The following ACOXL variants were observed in gnomAD, a reference collection of about 807,000 sequenced individuals.
ACOXL encodes acyl-coenzyme A oxidase-like protein.
ACOXL carries 70 observed loss-of-function variants against 71.9 expected under a neutral mutation model. The observed-to-expected ratio is 0.97, with a 90% CI of 0.80 to 1.19. The LOEUF (loss-of-function observed/expected upper bound fraction) is 1.19. ACOXL is among the 50% of genes most tolerant of loss of function. The probability of loss-of-function intolerance (pLI) is 0.00; values close to 1 mark genes in which losing one functional copy is unlikely to be tolerated. For missense variants in ACOXL, 703 were observed against 736.3 expected (o/e 0.95, Z 0.52); for synonymous variants, 253 against 281.6 (o/e 0.90, Z 1.02).
At chr2:111,085,098 A>G (rs147688122) in intron 16 of ACOXL, among the ~76,000 whole-genome samples, 4 of 152,320 alleles carry the variant, frequency 2.6e-5, no homozygotes, top group East Asian at 3.9e-4. Flanking sequence ...TAAGAGACCT[A>G]TGAAGAGACT....
At chr2:110,846,552 G>T (rs1349660759) in intron 10 of ACOXL, among the ~76,000 whole-genome samples, 4 of 151,864 alleles carry the variant, frequency 2.6e-5, no homozygotes, top group Admixed American at 2.6e-4. Flanking sequence ...ATGCAGTGGT[G>T]CTTCAGCTGT....
At chr2:110,835,865 A>C (rs1328111317) in intron 9 of ACOXL, among the ~76,000 whole-genome samples, 1 of 152,140 alleles carries the variant, frequency 6.6e-6, no homozygotes, top group East Asian at 1.9e-4. Flanking sequence ...ATTTCTCACA[A>C]GTTCCCAGGG....
intron 12 of ACOXL, among the ~76,000 whole-genome samples, chr2:110,978,343 A>G (rs1277769757): frequency 6.6e-6 from 1 of 152,222 alleles, no homozygotes; most frequent in East Asian, 1.9e-4. Context: ...ACAAGGGAGG[A>G]GCCCTCATGG....
chr2:110,959,396 G>A (rs2061616458), intron 12 of ACOXL, among the ~76,000 whole-genome samples: 1 of 152,186 alleles, frequency 6.6e-6, no homozygotes, highest in Admixed American at 6.5e-5. Context: ...GAAGCCGTCT[G>A]CCTTTGTTTT....
chr2:110,838,921 G>A (rs1370678758), intron 9 of ACOXL, among the ~76,000 whole-genome samples: 4 of 152,194 alleles, frequency 2.6e-5, no homozygotes, highest in Non-Finnish European at 4.4e-5. Flanking sequence ...CTGCTGTGTC[G>A]TTTGGTTTGA....
chr2:110,827,403 C>T (rs988862268), intron 9 of ACOXL, among the ~76,000 whole-genome samples: 3 of 152,074 alleles, frequency 2.0e-5, no homozygotes, highest in South Asian at 2.1e-4. Flanking sequence ...TGGCATGTGG[C>T]GGGCCGTGGA....
intron 1 of ACOXL, among the ~76,000 whole-genome samples, chr2:110,745,040 C>T (rs1678027841): frequency 6.6e-6 from 1 of 152,204 alleles, no homozygotes; most frequent in South Asian, 2.1e-4. Context: ...CTTTACCGTT[C>T]AGGTTAATGC....
chr2:110,858,052 C>T (rs1257229742), intron 10 of ACOXL, among the ~76,000 whole-genome samples: 1 of 152,098 alleles, frequency 6.6e-6, no homozygotes, highest in Non-Finnish European at 1.5e-5. Context: ...TAAAGTGCAT[C>T]TCAGATATAT....
intron 12 of ACOXL, among the ~76,000 whole-genome samples, chr2:110,973,929 G>C (rs951297905): frequency 1.5e-4 from 23 of 152,286 alleles, no homozygotes; most frequent in African/African-American, 5.5e-4. Context: ...TGAATACATA[G>C]CTTAGTGCTG....
intron 16 of ACOXL, among the ~76,000 whole-genome samples, chr2:111,053,842 T>G (rs1008709700): frequency 3.3e-5 from 5 of 152,188 alleles, no homozygotes; most frequent in Non-Finnish European, 5.9e-5. Context: ...AGAGCCTCCC[T>G]GCCTCCCTCG....
intron 10 of ACOXL, among the ~76,000 whole-genome samples, chr2:110,865,615 A>T (rs894416638): frequency 1.3e-5 from 2 of 152,208 alleles, no homozygotes; most frequent in African/African-American, 4.8e-5. Flanking sequence ...TTTACAAGTG[A>T]TAGATGGAGC....
intron 2 of ACOXL, among the ~76,000 whole-genome samples, chr2:110,770,276 C>T (rs964380611): frequency 7.9e-5 from 12 of 152,144 alleles, no homozygotes; most frequent in Admixed American, 5.9e-4. Flanking sequence ...CTTTGTGGAG[C>T]GTAGAATGGA....
chr2:110,905,133 G>GA (rs748911146), intron 10 of ACOXL, among the ~76,000 whole-genome samples: 2 of 152,160 alleles, frequency 1.3e-5, no homozygotes, highest in Non-Finnish European at 2.9e-5. Context: ...GGGGCAACAT[G>GA]AAATGCTCAG....
Position 110,799,114 on chromosome 2 carries a change from T to G in ACOXL, c.547+14T>G. ...TGTACAAGGAGGGTGAGTCCCCAGG[T>G]GCCCTTTTCCTGTGCTCACTCTTCC... is the stretch of plus-strand genomic sequence containing the variant. On this transcript the variant is annotated intron_variant, in intron 7 of 17. Transcript: ENST00000439055. 3.1e-6 allele frequency: 5 copies of G among 1,612,814 alleles called. No homozygotes were observed. The highest frequency in any genetic ancestry group is 2.5e-6 in the Non-Finnish European group (3 of 1,178,948).
intron 9 of ACOXL, among the ~76,000 whole-genome samples, chr2:110,830,928 T>C (rs999972371): frequency 4.6e-5 from 7 of 152,178 alleles, no homozygotes; most frequent in Admixed American, 3.9e-4. Context: ...TTGACAAAAT[T>C]CAGCACCAAT....
At position 110,933,448 on chromosome 2, in the gene ACOXL, G is replaced by C; in HGVS notation, c.906-41G>C. On this transcript the variant is annotated intron_variant, in intron 11 of 17. Coordinates refer to ENST00000439055, the MANE Select transcript of ACOXL (RefSeq NM_001142807.4). ...ATGCTCCTTCACACATGTGCTGACTGCACCGCCACTTCCATCACACATGTC... is the reference window on the plus strand; with the variant it reads ...ATGCTCCTTCACACATGTGCTGACTCCACCGCCACTTCCATCACACATGTC... 4 of 1,594,988 alleles carry C rather than the reference G, an allele frequency of 2.5e-6. No individual in the cohort carries two copies. The South Asian group carries it at 4.5e-5, about 18-fold the overall frequency.
intron 16 of ACOXL, among the ~76,000 whole-genome samples, chr2:111,076,930 T>G (rs1185783564): frequency 6.6e-6 from 1 of 152,188 alleles, no homozygotes; most frequent in Middle Eastern, 3.2e-3. Context: ...TCACATTGCC[T>G]CCTCCTCTTC....
intron 12 of ACOXL, among the ~76,000 whole-genome samples, chr2:110,967,666 G>C (rs192010738): frequency 2.4e-3 from 361 of 152,272 alleles, no homozygotes; most frequent in African/African-American, 8.4e-3. Flanking sequence ...AATGAAAGGA[G>C]AAATAGACAA....
chr2:110,740,072 T>C (rs1677327285), intron 1 of ACOXL, among the ~76,000 whole-genome samples: 1 of 152,256 alleles, frequency 6.6e-6, no homozygotes, highest in Non-Finnish European at 1.5e-5. Context: ...AATTATGCCA[T>C]GCCCCATCAA....
Sources: gnomAD v4.1 joint callset for allele counts (sites outside exome capture counted in the v4.1 genomes callset) on GRCh38, gnomAD v4.1.1 for gene constraint, MANE v1.5 for transcripts, NCBI Gene and HGNC (gene_info 2026-07-23, HGNC 2026-07-21) for gene names.